Variants in NOS1AP observed in about 807,000 individuals in gnomAD.
The protein encoded by NOS1AP is carboxyl-terminal PDZ ligand of neuronal nitric oxide synthase protein.
A neutral mutation model predicts 56.2 loss-of-function variants in NOS1AP; 21 were observed. The ratio of observed to expected loss-of-function variants is 0.37; its 90% CI spans 0.26 to 0.54. NOS1AP has a LOEUF of 0.54. NOS1AP is among the 20% of genes least tolerant of loss of function. The pLI is 0.84. For synonymous variants in NOS1AP, 270 were observed against 274.6 expected, an observed-to-expected ratio of 0.98 and a Z score of 0.17; for missense variants, 522 against 657.8, an observed-to-expected ratio of 0.79 and a Z score of 2.26.
chr1:162,264,805 C>T (rs914518768), intron 2 of NOS1AP, among the ~76,000 whole-genome samples: 1 of 112,496 alleles, frequency 8.9e-6, no homozygotes, highest in Non-Finnish European at 1.8e-5. Context: ...CGTGAGCCAC[C>T]GCGCCCGACC....
intron 2 of NOS1AP, among the ~76,000 whole-genome samples, chr1:162,172,148 C>T (rs1347652197): frequency 6.6e-6 from 1 of 152,132 alleles, no homozygotes; most frequent in Non-Finnish European, 1.5e-5. Context: ...ACCAGAAGTC[C>T]AAGTTCAGAT....
At chr1:162,262,714 A>G (rs1198825669) in intron 2 of NOS1AP, among the ~76,000 whole-genome samples, 2 of 152,192 alleles carry the variant, frequency 1.3e-5, no homozygotes, top group Non-Finnish European at 2.9e-5. Flanking sequence ...CATCACATCT[A>G]AAATATTTAG....
intron 9 of NOS1AP, among the ~76,000 whole-genome samples, chr1:162,366,273 C>T (rs1658083250): frequency 6.6e-6 from 1 of 152,150 alleles, no homozygotes. Flanking sequence ...AGCCATTGAT[C>T]ACATATTGTG....
At chr1:162,337,618 C>T (rs935696673) in intron 5 of NOS1AP, among the ~76,000 whole-genome samples, 2 of 152,170 alleles carry the variant, frequency 1.3e-5, no homozygotes, top group African/African-American at 4.8e-5. Context: ...CACAGTCACC[C>T]AGTTGGTTCT....
chr1:162,223,751 A>C (rs1652856759), intron 2 of NOS1AP, among the ~76,000 whole-genome samples: 1 of 152,236 alleles, frequency 6.6e-6, no homozygotes, highest in Admixed American at 6.5e-5. Context: ...ATTTCAAAGC[A>C]TGCGCCTTGC....
rs576491399 is a variant in NOS1AP, at chr1:162,101,604, C to T, written c.105+31322C>T. Among the ~76,000 whole-genome samples, 70 of 152,306 alleles carry T rather than the reference C, an allele frequency of 4.6e-4. No individual in the cohort carries two copies. In the South Asian group the frequency reaches 0.014, roughly 31 times the overall value. ...ATGTTTTTCCATTTGTTTGTGTCCT[C>T]TCTGATTTCTTTGAGCAGTTGTTTG... On this transcript the variant is annotated intron_variant, in intron 1 of 9. Coordinates refer to ENST00000361897, the MANE Select transcript of NOS1AP (RefSeq NM_014697.3).
chr1:162,319,925 C>T lies in NOS1AP; in HGVS notation c.345-13092C>T, dbSNP rs569403772. 3.0e-4 allele frequency among the ~76,000 whole-genome samples: 46 copies of T among 152,332 alleles called. 2 individuals are homozygous for T. In the South Asian group the frequency reaches 9.1e-3, roughly 30 times the overall value. On this transcript the variant is annotated intron_variant, in intron 4 of 9. Coordinates refer to ENST00000361897, the MANE Select transcript of NOS1AP (RefSeq NM_014697.3). The stretch of plus-strand genomic sequence containing the variant: ...ACTGACACATTCCCCACCCCACAAT[C>T]CTGCCACCTCCCACGTTGTCTTCGA...
intron 2 of NOS1AP, among the ~76,000 whole-genome samples, chr1:162,284,438 T>C (rs1655031226): frequency 6.6e-6 from 1 of 152,208 alleles, no homozygotes; most frequent in African/African-American, 2.4e-5. Context: ...CTGGCAGCCG[T>C]GATGGAACCT....
chr1:162,265,891 C>G (rs1004952682), intron 2 of NOS1AP, among the ~76,000 whole-genome samples: 2 of 152,160 alleles, frequency 1.3e-5, no homozygotes, highest in African/African-American at 2.4e-5. Context: ...TGTAGTAGCC[C>G]ATGGTATCGG....
intron 1 of NOS1AP, among the ~76,000 whole-genome samples, chr1:162,080,710 C>T (rs1295140034): frequency 6.6e-6 from 1 of 152,172 alleles, no homozygotes; most frequent in African/African-American, 2.4e-5. Flanking sequence ...CATTGCTTGT[C>T]TCCTTAATTA....
In NOS1AP at chr1:162,106,987, A is replaced by T. The variant is rs549042852; in HGVS notation, c.105+36705A>T. The stretch of plus-strand genomic sequence containing the variant: ...TATTCATTGGCACACTATTTGTAGT[A>T]GCAAAAAGCTGCAATGACTGAAATA... On this transcript the variant is annotated intron_variant, in intron 1 of 9. Coordinates refer to ENST00000361897, the MANE Select transcript of NOS1AP (RefSeq NM_014697.3). Among the ~76,000 whole-genome samples the T allele has an allele frequency of 5.4e-5, 8 of 147,036 alleles. No individual in the cohort carries two copies. In the East Asian group the frequency reaches 1.6e-3, roughly 29 times the overall value.
At chr1:162,094,024 A>T (rs1479668141) in intron 1 of NOS1AP, among the ~76,000 whole-genome samples, 1 of 152,146 alleles carries the variant, frequency 6.6e-6, no homozygotes, top group African/African-American at 2.4e-5. Context: ...ACTTATTAAG[A>T]CCTCAATAGG....
intron 1 of NOS1AP, among the ~76,000 whole-genome samples, chr1:162,152,117 A>G (rs551320982): frequency 5.3e-4 from 80 of 152,204 alleles, no homozygotes; most frequent in Non-Finnish European, 8.7e-4. Context: ...CAGAAGAGGT[A>G]GAAATGGGCC....
Position 162,070,005 on chromosome 1 carries a change from G to A in NOS1AP, c.-173G>A, listed in dbSNP as rs1047324250. The stretch of plus-strand genomic sequence containing the variant: ...CATCAGCTCAGCCCGCTGCCGCTCG[G>A]CCCTCGGCACCGCTCCGGGTCCGGC... On this transcript the variant is annotated 5_prime_UTR_variant, in exon 1 of 10. Transcript: ENST00000361897. 2.6e-5 allele frequency: 10 copies of A among 391,702 alleles called. No individual in the cohort carries two copies. The highest frequency in any genetic ancestry group is 4.1e-5 in the Non-Finnish European group (9 of 219,324). 24.3% of individuals were successfully genotyped at this position (391,702 alleles called of 1,614,324 possible).
At chr1:162,335,900 G>A (rs1381162947) in intron 5 of NOS1AP, among the ~76,000 whole-genome samples, 1 of 152,076 alleles carries the variant, frequency 6.6e-6, no homozygotes, top group Non-Finnish European at 1.5e-5. Context: ...CTGGTTGAGG[G>A]CCTCCCTCGA....
intron 4 of NOS1AP, among the ~76,000 whole-genome samples, chr1:162,301,933 AT>A (rs1655676138): frequency 6.6e-6 from 1 of 152,230 alleles, no homozygotes; most frequent in African/African-American, 2.4e-5. Context: ...CATCCAAACA[AT>A]GTGCAGGTGT....
chr1:162,319,696 C>A (rs1201310925), intron 4 of NOS1AP, among the ~76,000 whole-genome samples: 1 of 152,140 alleles, frequency 6.6e-6, no homozygotes, highest in Non-Finnish European at 1.5e-5. Context: ...GGAGGCTGGC[C>A]TGTGTAGACC....
chr1:162,105,599 G>C (rs577683739), intron 1 of NOS1AP, among the ~76,000 whole-genome samples: 1 of 152,322 alleles, frequency 6.6e-6, no homozygotes, highest in Admixed American at 6.5e-5. Context: ...TAGAACCCTT[G>C]CTGGAGTGGC....
rs544769785 is a variant in NOS1AP, at chr1:162,149,415, G to A, written c.106-4990G>A. Among the ~76,000 whole-genome samples the A allele has an allele frequency of 3.3e-5, 5 of 152,318 alleles. No individual in the cohort carries two copies. In the South Asian group the frequency reaches 1.0e-3, roughly 32 times the overall value. The stretch of plus-strand genomic sequence containing the variant: ...GAGCAGTTAGAAGGGCCACCCTCCA[G>A]CAAGTATGTCTGGTCTTAGATGGTG... On this transcript the variant is annotated intron_variant, in intron 1 of 9. Coordinates refer to ENST00000361897, the MANE Select transcript of NOS1AP (RefSeq NM_014697.3).
Sources: gnomAD v4.1 joint callset for allele counts (sites outside exome capture counted in the v4.1 genomes callset) on GRCh38, gnomAD v4.1.1 for gene constraint, MANE v1.5 for transcripts, NCBI Gene and HGNC (gene_info 2026-07-23, HGNC 2026-07-21) for gene names.